The following TBCK variants were observed in gnomAD, a reference collection of about 807,000 sequenced individuals.
TBCK encodes TBC1 domain containing kinase.
TBCK carries 99 observed loss-of-function variants against 113.4 expected under a neutral mutation model. The observed-to-expected ratio is 0.87, with a 90% confidence interval of 0.74 to 1.03. The LOEUF is 1.03. Among genes scored for constraint, TBCK ranks in the 50% least tolerant of loss-of-function variants. The probability of loss-of-function intolerance (pLI) is 0.00; values close to 1 mark genes in which losing one functional copy is unlikely to be tolerated. For missense variants in TBCK, 1,045 were observed against 1,061.3 expected, an observed-to-expected ratio of 0.98 and a Z score of 0.21; for synonymous variants, 369 against 370.8, an observed-to-expected ratio of 1.00 and a Z score of 0.05.
intron 1 of TBCK, among the ~76,000 whole-genome samples, chr4:106,315,247 G>A (rs772014347): frequency 6.6e-6 from 1 of 151,500 alleles, no homozygotes; most frequent in Non-Finnish European, 1.5e-5. Flanking sequence ...TTTTAAGTCA[G>A]TTGTTTTTCC....
At chr4:106,131,370 T>C (rs1321002121) in intron 23 of TBCK, among the ~76,000 whole-genome samples, 1 of 152,200 alleles carries the variant, frequency 6.6e-6, no homozygotes, top group African/African-American at 2.4e-5. Context: ...CCCAGAACTC[T>C]GGGAGGCCAA....
chr4:106,221,128 T>C (rs1387519601), intron 19 of TBCK, among the ~76,000 whole-genome samples: 1 of 152,108 alleles, frequency 6.6e-6, no homozygotes, highest in Non-Finnish European at 1.5e-5. Flanking sequence ...ATGAAAACAC[T>C]GTCCTGCCAC....
chr4:106,238,171 C>A (rs1243813080), intron 12 of TBCK, among the ~76,000 whole-genome samples: 1 of 151,962 alleles, frequency 6.6e-6, no homozygotes, highest in Non-Finnish European at 1.5e-5. Context: ...CAGCTGAAAT[C>A]ATATATTTTG....
At chr4:106,116,087 T>G in intron 24 of TBCK, 116 bp downstream of exon 24, 1 of 936,096 alleles carries the variant, frequency 1.1e-6, no homozygotes, top group Non-Finnish European at 1.6e-6. Context: ...GTAATTTAAC[T>G]ACTTGAATTC....
chr4:106,076,143 C>A (rs1286524451), intron 25 of TBCK, among the ~76,000 whole-genome samples: 2 of 152,166 alleles, frequency 1.3e-5, no homozygotes, highest in Non-Finnish European at 2.9e-5. Flanking sequence ...GGTGCCCTGG[C>A]AGTGGCAGCT....
At chr4:106,197,411 G>GTGTGTATATATATATATA (rs35695611) in intron 20 of TBCK, among the ~76,000 whole-genome samples, 14 of 122,464 alleles carry the variant, frequency 1.1e-4, no homozygotes, top group African/African-American at 3.4e-4. Flanking sequence ...GTGTGTGTGT[G>GTGTGTATATATATATATA]TATATATATA....
chr4:106,270,067 A>G (rs949030231), intron 3 of TBCK, among the ~76,000 whole-genome samples: 3 of 152,130 alleles, frequency 2.0e-5, no homozygotes, highest in Non-Finnish European at 4.4e-5. Flanking sequence ...CAGAATCTTA[A>G]TCATCTTAAA....
intron 12 of TBCK, chr4:106,238,696 T>C (rs1050621971): frequency 6.6e-6 from 1 of 152,180 alleles, no homozygotes; most frequent in Non-Finnish European, 1.5e-5. Flanking sequence ...ATTCTTCCTC[T>C]AACAAGAAAA....
chr4:106,081,140 A>G (rs1738820670), intron 25 of TBCK, among the ~76,000 whole-genome samples: 1 of 152,252 alleles, frequency 6.6e-6, no homozygotes, highest in Non-Finnish European at 1.5e-5. Context: ...TCAAAGATCT[A>G]GAAGCAAAAA....
chr4:106,144,884 A>G (rs1301321858), intron 23 of TBCK, among the ~76,000 whole-genome samples: 1 of 151,990 alleles, frequency 6.6e-6, no homozygotes, highest in Non-Finnish European at 1.5e-5. Flanking sequence ...TTAGCCAGGC[A>G]TGGTGGTATA....
At chr4:106,057,028 T>G (rs185804178) in intron 25 of TBCK, among the ~76,000 whole-genome samples, 13 of 151,836 alleles carry the variant, frequency 8.6e-5, no homozygotes, top group Admixed American at 7.9e-4. Flanking sequence ...ACAAAGAAAG[T>G]AAGGAAAGAA....
In TBCK at chr4:106,139,824, A is replaced by G. The variant is rs1475776048; in HGVS notation, c.2236-23446T>C. ...TTTCATATTTTCTTATTGAAAATAA[A>G]AGCATCTCAGGGGTAAGCTAATTAT... On this transcript the variant is annotated intron_variant, in intron 23 of 25. Transcript: ENST00000394708. 2.8e-5 allele frequency among the ~76,000 whole-genome samples: 4 copies of G among 141,194 alleles called. 1 individual carries two copies. Among genetic ancestry groups the G allele is most frequent in the African/African-American group, 1.0e-4 (4 of 39,992 alleles). 92.6% of individuals were successfully genotyped at this position (141,194 alleles called of 152,430 possible).
chr4:106,074,885 C>CATA (rs1194668192), intron 25 of TBCK, among the ~76,000 whole-genome samples: 1 of 152,166 alleles, frequency 6.6e-6, no homozygotes, highest in Non-Finnish European at 1.5e-5. Context: ...GCCAACCTGA[C>CATA]ATAATTCTGG....
intron 23 of TBCK, among the ~76,000 whole-genome samples, chr4:106,167,129 T>TAG (rs1412705660): frequency 2.8e-5 from 4 of 144,140 alleles, no homozygotes; most frequent in Non-Finnish European, 4.5e-5. Context: ...TATATATATA[T>TAG]ATAGAGAGAG....
chr4:106,113,952 T>C (rs925805207), intron 24 of TBCK, among the ~76,000 whole-genome samples: 4 of 152,120 alleles, frequency 2.6e-5, no homozygotes, highest in Non-Finnish European at 5.9e-5. Context: ...ATGCCCCAAG[T>C]GGGGTTCCTC....
intron 25 of TBCK, among the ~76,000 whole-genome samples, chr4:106,089,686 G>A (rs1739977729): frequency 6.6e-6 from 1 of 152,208 alleles, no homozygotes; most frequent in Non-Finnish European, 1.5e-5. Flanking sequence ...ATTTGAAAAG[G>A]GAGAAATTGG....
At chr4:106,124,693 C>G (rs1744926997) in intron 23 of TBCK, among the ~76,000 whole-genome samples, 2 of 152,020 alleles carry the variant, frequency 1.3e-5, no homozygotes, top group African/African-American at 4.8e-5. Flanking sequence ...GAGTTCATGT[C>G]CTTTGTAGGG....
intron 23 of TBCK, among the ~76,000 whole-genome samples, chr4:106,145,713 T>A (rs945558822): frequency 1.3e-5 from 2 of 152,160 alleles, no homozygotes; most frequent in Non-Finnish European, 2.9e-5. Flanking sequence ...TTTTCTCTTG[T>A]AAATTTGTTT....
chr4:106,294,216 A>G (rs1766022895), intron 3 of TBCK, among the ~76,000 whole-genome samples: 1 of 150,726 alleles, frequency 6.6e-6, no homozygotes, highest in Admixed American at 6.6e-5. Flanking sequence ...TTTGAGATGG[A>G]GTCGCGCTCT....
Sources: allele counts gnomAD v4.1 joint callset (sites outside exome capture counted in the v4.1 genomes callset), GRCh38; gene constraint gnomAD v4.1.1; transcripts MANE v1.5; gene names NCBI Gene and HGNC (gene_info 2026-07-23, HGNC 2026-07-21).